MLXIPL: variants seen among roughly 807,000 people sequenced by gnomAD.
MLXIPL encodes the protein carbohydrate-responsive element-binding protein.
A neutral mutation model predicts 81.5 loss-of-function variants in MLXIPL; 49 were observed. That is an observed-to-expected ratio of 0.60 (90% CI 0.48 to 0.76). MLXIPL has a LOEUF of 0.76. Among genes scored for constraint, MLXIPL ranks in the 30% least tolerant of loss-of-function variants. The pLI is 0.00. For synonymous variants in MLXIPL, 466 were observed against 485.5 expected (o/e 0.96, Z 0.53); for missense variants, 1,053 against 1,167.0 (o/e 0.90, Z 1.42).
the MLXIPL span, among the ~76,000 whole-genome samples, chr7:73,638,336 ACT>A: frequency 1.8e-3 from 268 of 151,916 alleles, no homozygotes; most frequent in African/African-American, 6.2e-3. Flanking sequence ...ACAGAATCTC[ACT>A]CTGTCACCCA....
At chr7:73,625,052 C>T (rs376888948), upstream of MLXIPL, among the ~76,000 whole-genome samples, 38 of 152,106 alleles carry the variant, frequency 2.5e-4, no homozygotes, top group South Asian at 4.2e-3. Context: ...GGCATGGTGG[C>T]GTGTGCATGT....
the MLXIPL span, among the ~76,000 whole-genome samples, chr7:73,638,200 T>G: frequency 6.6e-6 from 1 of 152,172 alleles, no homozygotes; most frequent in Non-Finnish European, 1.5e-5. Flanking sequence ...TGAGGGAGAC[T>G]AGATGAACAG....
chr7:73,607,867 T>C (rs1468424938), intron 2 of MLXIPL, among the ~76,000 whole-genome samples, 195 bp from the exon 3 acceptor site: 1 of 147,886 alleles, frequency 6.8e-6, no homozygotes, highest in Non-Finnish European at 1.5e-5. Flanking sequence ...TTTTTTTTTT[T>C]TTTTTGGAGA....
intron 7 of MLXIPL, among the ~76,000 whole-genome samples, chr7:73,601,532 G>A (rs11772762): frequency 1.3e-5 from 2 of 151,940 alleles, no homozygotes; most frequent in Non-Finnish European, 2.9e-5. Flanking sequence ...AAGGGGTGCA[G>A]GGCGAGGGGA....
intron 7 of MLXIPL, among the ~76,000 whole-genome samples, chr7:73,602,126 G>GCCTTCCTTCCTTCCTTCCTTCCTT (rs1317199546): frequency 0.012 from 907 of 75,570 alleles, 12 homozygotes; most frequent in Middle Eastern, 0.024. Context: ...CTGCCTGCCT[G>GCCTTCCTTCCTTCCTTCCTTCCTT]CCTGCCTTCC....
intron 2 of MLXIPL, among the ~76,000 whole-genome samples, chr7:73,612,827 C>G (rs782437626): frequency 2.0e-5 from 3 of 152,044 alleles, no homozygotes; most frequent in African/African-American, 7.2e-5. Context: ...CACTCAGCCG[C>G]GGAACCCTTT....
At chr7:73,640,127 G>T in the MLXIPL span, among the ~76,000 whole-genome samples, 2 of 151,620 alleles carry the variant, frequency 1.3e-5, no homozygotes, top group Non-Finnish European at 2.9e-5. Flanking sequence ...GTTATGGGCC[G>T]GGCATGGTGG....
the MLXIPL span, among the ~76,000 whole-genome samples, chr7:73,637,349 C>T: frequency 6.6e-6 from 1 of 151,784 alleles, no homozygotes; most frequent in Non-Finnish European, 1.5e-5. Context: ...GTGGCACACG[C>T]TTGTAATCCC....
chr7:73,637,576 T>C, the MLXIPL span, among the ~76,000 whole-genome samples: 1 of 152,184 alleles, frequency 6.6e-6, no homozygotes, highest in Non-Finnish European at 1.5e-5. Context: ...CCAATGTGGC[T>C]TCATGGTCAT....
the MLXIPL span, among the ~76,000 whole-genome samples, chr7:73,630,285 C>CTTTTTT: frequency 1.1e-3 from 107 of 97,796 alleles, 1 homozygote; most frequent in African/African-American, 1.2e-3. Flanking sequence ...GCCAGCTTGT[C>CTTTTTT]TTTTTTTTTT....
intron 7 of MLXIPL, among the ~76,000 whole-genome samples, chr7:73,601,634 G>A (rs782634207): frequency 6.6e-6 from 1 of 152,082 alleles, no homozygotes; most frequent in Non-Finnish European, 1.5e-5. Flanking sequence ...GGGTTCAAAC[G>A]ATTCTCATGC....
chr7:73,621,918 A>C (rs1235318609), intron 1 of MLXIPL, among the ~76,000 whole-genome samples: 86 of 30,852 alleles, frequency 2.8e-3, no homozygotes, highest in South Asian at 5.8e-3. Context: ...CCCTCCCTCC[A>C]TCTCCCTCTC....
At chr7:73,605,467 G>A (rs370465129) in intron 7 of MLXIPL, among the ~76,000 whole-genome samples, 5 of 152,168 alleles carry the variant, frequency 3.3e-5, no homozygotes, top group Admixed American at 2.6e-4. Context: ...AGGCTGAGGC[G>A]GGAGGATCAC....
At chr7:73,631,935 CCTCTT>C in the MLXIPL span, among the ~76,000 whole-genome samples, 1 of 101,812 alleles carries the variant, frequency 9.8e-6, no homozygotes, top group African/African-American at 4.0e-5. Flanking sequence ...CCCCTCCCCT[CCTCTT>C]CTTTTCTCTT....
the MLXIPL span, among the ~76,000 whole-genome samples, chr7:73,636,540 G>A: frequency 3.9e-5 from 6 of 152,220 alleles, no homozygotes; most frequent in East Asian, 9.7e-4. Context: ...ACTGGCTGGG[G>A]TGCCAGCAGG....
At chr7:73,635,158 G>A in the MLXIPL span, among the ~76,000 whole-genome samples, 2 of 152,110 alleles carry the variant, frequency 1.3e-5, no homozygotes, top group Non-Finnish European at 2.9e-5. Context: ...ATAAATATCA[G>A]TCATATTGCT....
At chr7:73,594,443 C>T (rs782510574) in intron 15 of MLXIPL, 40 bp from the exon 16 acceptor site, 3 of 1,598,658 alleles carry the variant, frequency 1.9e-6, no homozygotes, top group Non-Finnish European at 2.5e-6. Context: ...TCCAGCTGGT[C>T]CCCCCACACC....
At chr7:73,602,221 C>CTTT (rs1554596577) in intron 7 of MLXIPL, among the ~76,000 whole-genome samples, 1 of 132,602 alleles carries the variant, frequency 7.5e-6, no homozygotes, top group Non-Finnish European at 1.6e-5. Context: ...CTCTTTCTTT[C>CTTT]TTTTTTTTTT....
At chr7:73,640,801 A>G in the MLXIPL span, among the ~76,000 whole-genome samples, 1 of 151,766 alleles carries the variant, frequency 6.6e-6, no homozygotes, top group African/African-American at 2.4e-5. Flanking sequence ...AAAAGGAGAA[A>G]AAAAAGAACA....
Sources: gnomAD v4.1 joint callset for allele counts (sites outside exome capture counted in the v4.1 genomes callset) on GRCh38, gnomAD v4.1.1 for gene constraint, MANE v1.5 for transcripts, NCBI Gene and HGNC (gene_info 2026-07-23, HGNC 2026-07-21) for gene names.